The following CDH23 variants were observed in gnomAD, a reference collection of about 807,000 sequenced individuals.
CDH23 encodes cadherin-23.
Under a neutral mutation model 317.1 loss-of-function variants are expected in CDH23, and 189 were observed. The ratio of observed to expected loss-of-function variants is 0.60; its 90% CI spans 0.53 to 0.67. The LOEUF (loss-of-function observed/expected upper bound fraction) is 0.67. Ranked by LOEUF, CDH23 falls within the 30% of genes least tolerant of loss-of-function variation. The probability of loss-of-function intolerance (pLI) is 0.00; values close to 1 mark genes in which losing one functional copy is unlikely to be tolerated. For synonymous variants in CDH23, 1,839 were observed against 1,876.8 expected (o/e 0.98, Z 0.52); for missense variants, 4,401 against 4,592.4 (o/e 0.96, Z 1.20).
intron 3 of CDH23, among the ~76,000 whole-genome samples, chr10:71,481,899 C>A (rs1043647843): frequency 6.6e-6 from 1 of 152,206 alleles, no homozygotes; most frequent in Non-Finnish European, 1.5e-5. Context: ...CAGCCCACAG[C>A]AGCGGGCTTG....
At position 71,645,895 on chromosome 10, in the gene CDH23, C is replaced by T. The variant is rs373168635; in HGVS notation, c.1205C>T (p.Pro402Leu). 1.5e-5 allele frequency: 24 copies of T among 1,613,520 alleles called. No individual in the cohort carries two copies. The highest frequency in any genetic ancestry group is 1.3e-4 in the African/African-American group (10 of 74,922). Residue 402 changes from proline (P) to leucine (L), a missense_variant, in exon 13 of 70, where the codon CCG (proline) becomes CTG (leucine). Coordinates refer to ENST00000224721, the MANE Select transcript of CDH23 (RefSeq NM_022124.6). ...AACTCCCACCACTTCATCATCTCCC[C>T]GACCTCCGTCCAGGGGAAGGCGGAC... is the stretch of plus-strand genomic sequence containing the variant. ...GNNSHHFIIS[P>L]TSVQGKADIR... is the part of the protein sequence containing the mutation.
intron 38 of CDH23, among the ~76,000 whole-genome samples, chr10:71,770,993 G>A (rs763807838): frequency 5.3e-5 from 8 of 152,220 alleles, no homozygotes; most frequent in Non-Finnish European, 1.0e-4. Flanking sequence ...TGCTGCGTCA[G>A]AGGCTTGCAG....
intron 38 of CDH23, among the ~76,000 whole-genome samples, chr10:71,752,543 C>T (rs1160435592): frequency 1.3e-5 from 2 of 152,214 alleles, no homozygotes; most frequent in Admixed American, 1.3e-4. Context: ...GCCCACTGCA[C>T]CACTCTGGGA....
chr10:71,687,801 C>G, intron 19 of CDH23, 82 bp downstream of exon 19: 5 of 1,248,634 alleles, frequency 4.0e-6, no homozygotes, highest in Non-Finnish European at 5.8e-6. Flanking sequence ...CAGACCCCGG[C>G]TCTGCACACA....
chr10:71,622,320 T>A (rs916517710), intron 11 of CDH23, among the ~76,000 whole-genome samples: 1 of 152,226 alleles, frequency 6.6e-6, no homozygotes, highest in Non-Finnish European at 1.5e-5. Flanking sequence ...AGCCCTCCCC[T>A]GCCTCACCTC....
At chr10:71,608,077 T>C (rs1224645659) in intron 9 of CDH23, among the ~76,000 whole-genome samples, 3 of 152,144 alleles carry the variant, frequency 2.0e-5, no homozygotes, top group Admixed American at 2.0e-4. Context: ...GATGGGAAAT[T>C]TGGCCCAAAG....
At chr10:71,497,001 C>T (rs1282188242) in intron 3 of CDH23, among the ~76,000 whole-genome samples, 2 of 152,188 alleles carry the variant, frequency 1.3e-5, no homozygotes, top group Admixed American at 6.5e-5. Context: ...TGTTCCCCCA[C>T]GGTCACATTC....
chr10:71,811,154 C>T (rs1269435383), intron 62 of CDH23, among the ~76,000 whole-genome samples, 161 bp from the exon 63 acceptor site: 2 of 150,376 alleles, frequency 1.3e-5, no homozygotes, highest in African/African-American at 4.9e-5. Context: ...CATGAAGGTT[C>T]GAGGAACCTT....
intron 14 of CDH23, among the ~76,000 whole-genome samples, chr10:71,650,219 G>C (rs1253346217): frequency 6.6e-6 from 1 of 152,226 alleles, no homozygotes; most frequent in Non-Finnish European, 1.5e-5. Context: ...TCCAGGGACA[G>C]AGCTGTGTGA....
chr10:71,623,719 C>T (rs185862496), intron 11 of CDH23, among the ~76,000 whole-genome samples: 8 of 152,264 alleles, frequency 5.3e-5, no homozygotes, highest in Admixed American at 2.6e-4. Context: ...CTGGAGAACC[C>T]CCAGTTCCAT....
chr10:71,702,211 T>C lies in CDH23; in HGVS notation c.2587T>C (p.Cys863Arg). 1 of 1,612,986 alleles carries C rather than the reference T, an allele frequency of 6.2e-7. No individual in the cohort carries two copies. Residue 863 changes from cysteine (C) to arginine (R), a missense_variant and splice_region_variant, in exon 23 of 70, where the codon TGT becomes CGT. Coordinates refer to ENST00000224721, the MANE Select transcript of CDH23 (RefSeq NM_022124.6). ...CAAAATCGTCGTCTCTGTTACTGAC[T>C]GTATGGACCCCTCTCGCCCCTCACG... The part of the protein sequence containing the change: ...MRKIVVSVTD[C>R]GRPPLKATSS...
chr10:71,602,043 A>T (rs755451989), intron 9 of CDH23, among the ~76,000 whole-genome samples: 1 of 151,934 alleles, frequency 6.6e-6, no homozygotes, highest in Non-Finnish European at 1.5e-5. Context: ...GCCAGTTTCT[A>T]TGAAGATAAC....
At chr10:71,798,670 C>T in intron 50 of CDH23, 92 bp downstream of exon 50, 1 of 1,025,500 alleles carries the variant, frequency 9.8e-7, no homozygotes. Flanking sequence ...TGTGGCTCCT[C>T]AGTGGACTGG....
At chr10:71,597,205 C>T (rs74147370) in intron 9 of CDH23, among the ~76,000 whole-genome samples, 1,782 of 143,502 alleles carry the variant, frequency 0.012, 37 homozygotes, top group African/African-American at 0.042. Context: ...GTCCTGGGGC[C>T]GGGAGGGTGG....
chr10:71,481,956 C>G (rs932490111), intron 3 of CDH23, among the ~76,000 whole-genome samples: 5 of 152,146 alleles, frequency 3.3e-5, no homozygotes, highest in Non-Finnish European at 7.4e-5. Context: ...GCCAGGAGAG[C>G]CTGGGCTGCA....
chr10:71,469,954 T>C (rs1306974239), intron 3 of CDH23, among the ~76,000 whole-genome samples: 1 of 152,116 alleles, frequency 6.6e-6, no homozygotes, highest in Non-Finnish European at 1.5e-5. Flanking sequence ...TTGGGAAAAT[T>C]TTTAGGAATG....
At chr10:71,688,579 AGTCAGGGG>A in intron 19 of CDH23, among the ~76,000 whole-genome samples, 1 of 130,026 alleles carries the variant, frequency 7.7e-6, no homozygotes, top group African/African-American at 3.0e-5. Flanking sequence ...GGGGTTGTGG[AGTCAGGGG>A]TGGTGGAGTC....
intron 6 of CDH23, among the ~76,000 whole-genome samples, chr10:71,538,427 G>A (rs374690239): frequency 2.0e-5 from 3 of 151,510 alleles, no homozygotes; most frequent in South Asian, 2.1e-4. Context: ...CTCACTCGAC[G>A]TTTGGGAAAA....
At chr10:71,798,602 A>T in intron 50 of CDH23, 24 bp downstream of exon 50, 1 of 1,560,204 alleles carries the variant, frequency 6.4e-7, no homozygotes, top group Non-Finnish European at 8.7e-7. Context: ...CTGTCAGAGG[A>T]GGGCTGGGGG....
Sources: gnomAD v4.1 joint callset for allele counts (sites outside exome capture counted in the v4.1 genomes callset) on GRCh38, gnomAD v4.1.1 for gene constraint, MANE v1.5 for transcripts, NCBI Gene and HGNC (gene_info 2026-07-23, HGNC 2026-07-21) for gene names.